Variants in ACSS2 observed in about 807,000 individuals in gnomAD.
The protein encoded by ACSS2 is acetyl-coenzyme A synthetase, cytoplasmic.
Under a neutral mutation model 90.6 loss-of-function variants are expected in ACSS2, and 58 were observed. That is an observed-to-expected ratio of 0.64 (90% confidence interval 0.52 to 0.80). The LOEUF (loss-of-function observed/expected upper bound fraction) is 0.80, where lower values mean the gene tolerates loss of function less well. Among genes scored for constraint, ACSS2 ranks in the 30% least tolerant of loss-of-function variants. The probability of loss-of-function intolerance (pLI) is 0.00; values close to 1 mark genes in which losing one functional copy is unlikely to be tolerated. For synonymous variants in ACSS2, 300 were observed against 330.9 expected, an observed-to-expected ratio of 0.91 and a Z score of 1.01; for missense variants, 759 against 912.0, an observed-to-expected ratio of 0.83 and a Z score of 2.16.
At chr20:34,908,932 A>G in intron 2 of ACSS2, 1 of 447,860 alleles carries the variant, frequency 2.2e-6, no homozygotes, top group Non-Finnish European at 4.5e-6. Context: ...CATCCTACAG[A>G]TATACTTGCA....
rs1569004666 is a variant in ACSS2 at position 34,927,008 on chromosome 20, G to A, written c.1978+57G>A. 6.2e-6 allele frequency: 10 copies of A among 1,613,918 alleles called. No individual in the cohort carries two copies. In the East Asian group the frequency reaches 6.7e-5, roughly 11 times the overall value. On this transcript the variant is annotated intron_variant, in intron 17 of 17. Coordinates refer to ENST00000360596, the MANE Select transcript of ACSS2 (RefSeq NM_018677.4). The surrounding 1 kb of genome is among the most constrained non-coding windows in gnomAD (Gnocchi z 4.2). ...GGCTGAGGCCTGGTGGTGGTGGGGT[G>A]TGCGTGGATGAAAGCCTTTGGCAGG...
intron 2 of ACSS2, among the ~76,000 whole-genome samples, chr20:34,896,712 C>A (rs188447731): frequency 3.9e-5 from 6 of 152,314 alleles, no homozygotes; most frequent in South Asian, 2.1e-4. Flanking sequence ...ACATAGGACT[C>A]TAGTGCTAGA....
At chr20:34,914,013 A>G (rs2081022624) in intron 5 of ACSS2, 83 bp from the exon 6 acceptor site, 3 of 1,500,624 alleles carry the variant, frequency 2.0e-6, no homozygotes, top group Admixed American at 3.5e-5. Flanking sequence ...TAAGAGGCCT[A>G]CTCAGGAAGG....
At chr20:34,897,977 C>T (rs1468807146) in intron 2 of ACSS2, among the ~76,000 whole-genome samples, 1 of 152,036 alleles carries the variant, frequency 6.6e-6, no homozygotes, top group Non-Finnish European at 1.5e-5. Flanking sequence ...AGCCGTGGAC[C>T]CTCACGGTGA....
intron 2 of ACSS2, 96 bp from the exon 3 acceptor site, chr20:34,913,000 C>A: frequency 3.2e-6 from 3 of 934,304 alleles, no homozygotes; most frequent in Admixed American, 1.7e-5. Context: ...CAGTTCCAGG[C>A]CTTAGTGTCA....
intron 1 of ACSS2, among the ~76,000 whole-genome samples, chr20:34,877,538 C>T (rs1358338151): frequency 6.6e-6 from 1 of 152,062 alleles, no homozygotes; most frequent in Non-Finnish European, 1.5e-5. Context: ...GGAAAATCGG[C>T]CAGGAGCAGT....
At chr20:34,886,541 G>T (rs912794124) in intron 2 of ACSS2, among the ~76,000 whole-genome samples, 3 of 152,006 alleles carry the variant, frequency 2.0e-5, no homozygotes, top group Non-Finnish European at 4.4e-5. Flanking sequence ...GAAGAATCGC[G>T]TGAACCTGGG....
intron 2 of ACSS2, among the ~76,000 whole-genome samples, chr20:34,888,643 AG>A (rs2080256225): frequency 6.6e-6 from 1 of 152,232 alleles, no homozygotes. Context: ...GGTAGTGATG[AG>A]TACTATAGAA....
intron 2 of ACSS2, chr20:34,893,619 T>C (rs942729543): frequency 6.0e-5 from 9 of 150,318 alleles, no homozygotes; most frequent in African/African-American, 2.0e-4. Context: ...CTTCCTGACC[T>C]CAGGTGAGCT....
chr20:34,917,616 G>T (rs2081100812), intron 7 of ACSS2, among the ~76,000 whole-genome samples: 2 of 152,130 alleles, frequency 1.3e-5, no homozygotes, highest in Admixed American at 1.3e-4. Context: ...ACACCATCAT[G>T]TCTACCTGCC....
intron 1 of ACSS2, among the ~76,000 whole-genome samples, chr20:34,879,066 G>C (rs1051863337): frequency 5.1e-4 from 77 of 150,996 alleles, no homozygotes; most frequent in African/African-American, 1.5e-3. Flanking sequence ...TACCACGCCC[G>C]GCTAATTTTT....
intron 2 of ACSS2, among the ~76,000 whole-genome samples, chr20:34,898,571 A>G (rs2080529320): frequency 6.6e-6 from 1 of 152,056 alleles, no homozygotes; most frequent in Admixed American, 6.5e-5. Context: ...TGAGCTAGAC[A>G]TAAAGGTTCT....
chr20:34,903,956 A>G (rs544499542), intron 2 of ACSS2, among the ~76,000 whole-genome samples: 13 of 151,872 alleles, frequency 8.6e-5, no homozygotes, highest in African/African-American at 3.1e-4. Flanking sequence ...TTATTCAACC[A>G]TGACCCTCGA....
At chr20:34,887,442 A>G (rs1168147786) in intron 2 of ACSS2, among the ~76,000 whole-genome samples, 1 of 152,248 alleles carries the variant, frequency 6.6e-6, no homozygotes, top group Non-Finnish European at 1.5e-5. Flanking sequence ...TTCTATTTGG[A>G]AAGACCAAAT....
rs1468083600 is a variant in ACSS2 at position 34,926,244 on chromosome 20, C to T, written c.1866C>T (p.Thr622=). ...YCFVTLCDGH[T]FSPKLTEELK... is the part of the protein sequence containing the mutation. ...TTGTCACCTTGTGTGATGGCCACAC[C>T]TTCAGCCCCAAGCTCACCGAGGAGC... Residue 622 remains threonine (T), a synonymous_variant, in exon 16 of 18, where the codon ACC becomes ACT. Coordinates refer to ENST00000360596, the MANE Select transcript of ACSS2 (RefSeq NM_018677.4). 11 of 1,614,060 alleles carry T rather than the reference C, an allele frequency of 6.8e-6. No homozygotes were observed. Among genetic ancestry groups the T allele is most frequent in the Non-Finnish European group, 8.5e-6 (10 of 1,180,024 alleles).
intron 2 of ACSS2, among the ~76,000 whole-genome samples, chr20:34,897,926 C>T (rs1032519254): frequency 2.0e-5 from 3 of 152,116 alleles, no homozygotes; most frequent in Non-Finnish European, 4.4e-5. Context: ...ACATTGTGTC[C>T]GGAATTGGTG....
At chr20:34,913,522 G>A in intron 4 of ACSS2, 26 bp downstream of exon 4, 1 of 1,599,752 alleles carries the variant, frequency 6.3e-7, no homozygotes. Context: ...GGTGAAAAGG[G>A]GCAGGCGGGG....
intron 8 of ACSS2, among the ~76,000 whole-genome samples, chr20:34,920,009 T>C (rs1003179573): frequency 6.6e-6 from 1 of 152,196 alleles, no homozygotes; most frequent in East Asian, 1.9e-4. Context: ...AAGAAAACTG[T>C]TTCTTCCATT....
intron 2 of ACSS2, among the ~76,000 whole-genome samples, chr20:34,895,404 C>A (rs1324520489): frequency 6.6e-6 from 1 of 152,156 alleles, no homozygotes; most frequent in Non-Finnish European, 1.5e-5. Context: ...TGCCTAACTT[C>A]TTTCTTAAGA....
Sources: allele counts gnomAD v4.1 joint callset (sites outside exome capture counted in the v4.1 genomes callset), GRCh38; gene constraint gnomAD v4.1.1; non-coding constraint Gnocchi (gnomAD v3.1); transcripts MANE v1.5; gene names NCBI Gene and HGNC (gene_info 2026-07-23, HGNC 2026-07-21).